Variants in TIMM23B observed in about 807,000 individuals in gnomAD.
TIMM23B encodes the protein translocase of inner mitochondrial membrane 23 homolog B, also known as mitochondrial import inner membrane translocase subunit Tim23B.
In TIMM23B, 27 loss-of-function variants were observed where a neutral mutation model predicts 27.3. The ratio of observed to expected loss-of-function variants is 0.99; its 90% confidence interval spans 0.73 to 1.36. The LOEUF (loss-of-function observed/expected upper bound fraction) is 1.36, where lower values mean the gene tolerates loss of function less well. Ranked by LOEUF, TIMM23B falls within the 40% of genes most tolerant of loss-of-function variation. TIMM23B has a pLI of 0.00. For missense variants in TIMM23B, 205 were observed against 244.2 expected (o/e 0.84, Z 1.07); for synonymous variants, 73 against 92.4 (o/e 0.79, Z 1.21).
rs1333892668 is a variant in TIMM23B, at chr10:49,959,815, C to T, written c.514+1335C>T. On this transcript the variant is annotated intron_variant, in intron 6 of 6. Coordinates refer to ENST00000651259, the MANE Select transcript of TIMM23B (RefSeq NM_001290117.2). ...CCAGGCTGGAGTGCAGTGGCATGAT[C>T]TCGGCTCACTGCAACCTCCACCTCC... Among the ~76,000 whole-genome samples the T allele has an allele frequency of 5.0e-3, 751 of 151,432 alleles. 12 individuals are homozygous for T. The highest frequency in any genetic ancestry group is 0.027 in the Middle Eastern group (8 of 294).
chr10:49,953,261 C>T (rs1310451649), intron 4 of TIMM23B, among the ~76,000 whole-genome samples: 2 of 152,164 alleles, frequency 1.3e-5, no homozygotes, highest in Non-Finnish European at 2.9e-5. Flanking sequence ...ACACTTTAAA[C>T]TCCTATCTTC....
chr10:49,962,771 G>C (rs1294888972), intron 6 of TIMM23B, among the ~76,000 whole-genome samples: 1 of 151,998 alleles, frequency 6.6e-6, no homozygotes, highest in Admixed American at 6.6e-5. Flanking sequence ...TTTAGTTGTA[G>C]GATAAATTGC....
At chr10:49,968,643 G>A (rs1365212031) in intron 6 of TIMM23B, among the ~76,000 whole-genome samples, 5 of 152,264 alleles carry the variant, frequency 3.3e-5, no homozygotes, top group Admixed American at 6.5e-5. Flanking sequence ...GACCATCCTG[G>A]CTAACACAGT....
chr10:49,973,112 A>T lies in TIMM23B; in HGVS notation c.*48A>T. The stretch of plus-strand genomic sequence containing the variant: ...CAATCCCAACTGGTGAAGTACTGAG[A>T]AGAAGCTACACAAAAGGCAGCAAAG... On this transcript the variant is annotated 3_prime_UTR_variant, in exon 7 of 7. Transcript: ENST00000651259. 1 of 1,505,578 alleles carries T rather than the reference A, an allele frequency of 6.6e-7. No homozygotes were observed. Among genetic ancestry groups the T allele is most frequent in the Non-Finnish European group, 8.9e-7 (1 of 1,122,218 alleles). 93.3% of individuals were successfully genotyped at this position (1,505,578 alleles called of 1,614,324 possible). A position where few individuals can be genotyped will look rare whatever the true frequency, so the allele number is the denominator to read the frequency against.
chr10:49,949,000 G>A (rs1839438342), intron 2 of TIMM23B, among the ~76,000 whole-genome samples: 2 of 151,814 alleles, frequency 1.3e-5, no homozygotes, highest in African/African-American at 4.8e-5. Context: ...CGGTCCTTCT[G>A]CCTCATCCTC....
At chr10:49,952,933 C>G (rs1354177468) in intron 4 of TIMM23B, among the ~76,000 whole-genome samples, 3 of 152,080 alleles carry the variant, frequency 2.0e-5, no homozygotes, top group African/African-American at 7.2e-5. Context: ...CTCAAGCTGC[C>G]ATCATTTAAC....
chr10:49,954,123 C>T (rs1477949959), intron 4 of TIMM23B: 3 of 156,622 alleles, frequency 1.9e-5, no homozygotes, highest in African/African-American at 4.8e-5. Context: ...AGAAGCAATA[C>T]AAATTTTTGT....
At chr10:49,943,715 A>C (rs1839248754) in intron 1 of TIMM23B, among the ~76,000 whole-genome samples, 1 of 148,538 alleles carries the variant, frequency 6.7e-6, no homozygotes, top group South Asian at 2.1e-4. Context: ...TTCTGGGGGC[A>C]GGACTATAGT....
intron 6 of TIMM23B, among the ~76,000 whole-genome samples, chr10:49,964,766 G>C (rs1206332103): frequency 7.3e-5 from 11 of 151,492 alleles, no homozygotes; most frequent in African/African-American, 2.7e-4. Flanking sequence ...ATGAAATAAT[G>C]AATAATGAAA....
At chr10:49,962,444 G>A (rs1160088093) in intron 6 of TIMM23B, among the ~76,000 whole-genome samples, 1 of 151,950 alleles carries the variant, frequency 6.6e-6, no homozygotes, top group African/African-American at 2.4e-5. Flanking sequence ...CTCATGATCC[G>A]CCCACCTCAG....
chr10:49,948,654 G>C (rs1839426827), intron 2 of TIMM23B, among the ~76,000 whole-genome samples: 1 of 152,206 alleles, frequency 6.6e-6, no homozygotes, highest in African/African-American at 2.4e-5. Context: ...GGAATGTCCA[G>C]AATAGGCAAA....
chr10:49,942,074 T>C lies in TIMM23B; in HGVS notation c.-121T>C. The C allele has an allele frequency of 7.7e-7, 1 of 1,294,276 alleles. No individual in the cohort carries two copies. The highest frequency in any genetic ancestry group is 1.5e-5 in the African/African-American group (1 of 66,844). 80.2% of individuals were successfully genotyped at this position (1,294,276 alleles called of 1,614,324 possible). The stretch of plus-strand genomic sequence containing the variant: ...GCTTAACGGGAACCGGCGCCCGGAA[T>C]GTCAGCGTGTGAAGTAGGCGCTGGC... On this transcript the variant is annotated 5_prime_UTR_variant, in exon 1 of 7. The change abolishes an upstream ATG in the 5' untranslated region. Transcript: ENST00000651259.
At position 49,952,225 on chromosome 10, in the gene TIMM23B, T is replaced by C. The variant is rs1839554822; in HGVS notation, c.259+6T>C. Reference sequence around the variant, plus strand: ...TGGAGGGTGTTGCATGACAGGTGAGTGTTACATACTTTTTTCTCAAGAGTG... The same window carrying C: ...TGGAGGGTGTTGCATGACAGGTGAGCGTTACATACTTTTTTCTCAAGAGTG... On this transcript the variant is annotated splice_donor_region_variant and intron_variant, in intron 3 of 6. Coordinates refer to ENST00000651259, the MANE Select transcript of TIMM23B (RefSeq NM_001290117.2). 1.9e-6 allele frequency: 3 copies of C among 1,603,316 alleles called. No individual in the cohort carries two copies. The highest frequency in any genetic ancestry group is 1.1e-5 in the South Asian group (1 of 90,868).
At chr10:49,942,420 G>C (rs1839149491) in intron 1 of TIMM23B, 120 bp downstream of exon 1, 4 of 1,527,810 alleles carry the variant, frequency 2.6e-6, no homozygotes, top group African/African-American at 2.8e-5. Flanking sequence ...ACAAGCTTAA[G>C]TACCAGTGGT....
chr10:49,971,331 T>TA (rs59579331), intron 6 of TIMM23B, among the ~76,000 whole-genome samples: 2,532 of 117,726 alleles, frequency 0.022, 52 homozygotes, highest in African/African-American at 0.061. Flanking sequence ...CAATAAATAC[T>TA]AAAAAAAAAA....
At chr10:49,952,669 A>G in intron 4 of TIMM23B, 136 bp downstream of exon 4, 1 of 1,104,682 alleles carries the variant, frequency 9.1e-7, no homozygotes, top group Non-Finnish European at 1.3e-6. Flanking sequence ...TTTAATCTTA[A>G]TCAAAATAAA....
chr10:49,949,708 A>G lies in TIMM23B; in HGVS notation c.166-2418A>G, dbSNP rs1342880513. On this transcript the variant is annotated intron_variant, in intron 2 of 6. Transcript: ENST00000651259. Reference sequence around the variant, plus strand: ...TTATAAACCTCATCTGTTATTGGAAATAATTCTGGAGACCTTAAATTTAAA... The same window carrying G: ...TTATAAACCTCATCTGTTATTGGAAGTAATTCTGGAGACCTTAAATTTAAA... 8.6e-5 allele frequency among the ~76,000 whole-genome samples: 13 copies of G among 151,244 alleles called. No homozygotes were observed. In the East Asian group the frequency reaches 9.7e-4, roughly 11 times the overall value.
chr10:49,959,524 T>C (rs1310077672), intron 6 of TIMM23B, among the ~76,000 whole-genome samples: 1 of 152,236 alleles, frequency 6.6e-6, no homozygotes, highest in Non-Finnish European at 1.5e-5. Flanking sequence ...GATACATCTT[T>C]GGCTACTTAA....
chr10:49,958,887 G>A (rs1839809639), intron 6 of TIMM23B, among the ~76,000 whole-genome samples: 5 of 152,244 alleles, frequency 3.3e-5, no homozygotes, highest in Middle Eastern at 3.4e-3. Context: ...CTTATTTTAC[G>A]TAGCATAATA....
Sources: allele counts gnomAD v4.1 joint callset (sites outside exome capture counted in the v4.1 genomes callset), GRCh38; gene constraint gnomAD v4.1.1; transcripts MANE v1.5; gene names NCBI Gene and HGNC (gene_info 2026-07-23, HGNC 2026-07-21).